Variants in PAK5 observed in about 807,000 individuals in gnomAD.
PAK5 encodes the protein p21 (RAC1) activated kinase 5.
PAK5 carries 16 observed loss-of-function variants against 65.9 expected under a neutral mutation model. The observed-to-expected ratio is 0.24, with a 90% CI of 0.16 to 0.37. The LOEUF is 0.37. Ranked by LOEUF, PAK5 falls within the 10% of genes least tolerant of loss-of-function variation. The pLI is 1.00. For missense variants in PAK5, 785 were observed against 903.9 expected, an observed-to-expected ratio of 0.87 and a Z score of 1.69; for synonymous variants, 371 against 354.9, an observed-to-expected ratio of 1.05 and a Z score of -0.51.
At chr20:9,807,663 T>C (rs1424760586) in intron 1 of PAK5, among the ~76,000 whole-genome samples, 4 of 151,916 alleles carry the variant, frequency 2.6e-5, no homozygotes, top group African/African-American at 9.7e-5. Flanking sequence ...AGCAAGACTA[T>C]GTTTTCCAGG....
At chr20:9,594,990 T>A (rs949399681) in intron 3 of PAK5, among the ~76,000 whole-genome samples, 6 of 152,046 alleles carry the variant, frequency 3.9e-5, no homozygotes, top group African/African-American at 1.4e-4. Context: ...CTGATATATA[T>A]AAACACATAT....
chr20:9,539,983 C>G (rs995170304), intron 9 of PAK5, among the ~76,000 whole-genome samples: 1 of 151,972 alleles, frequency 6.6e-6, no homozygotes, highest in African/African-American at 2.4e-5. Context: ...TTTTATTTTT[C>G]TAACAACTGC....
intron 3 of PAK5, among the ~76,000 whole-genome samples, chr20:9,587,030 A>T (rs1287131998): frequency 1.3e-5 from 2 of 152,162 alleles, no homozygotes; most frequent in Non-Finnish European, 2.9e-5. Flanking sequence ...TACCTCACAG[A>T]GTTAATGTGA....
In PAK5 at chr20:9,699,621, A is replaced by G. The variant is rs2047913963; in HGVS notation, c.-12+11665T>C. ...ATGCTCTGGGGAAGATGTGAGATCA[A>G]CATATACATAAGTAATGCTCCACAA... On this transcript the variant is annotated intron_variant, in intron 2 of 9. Transcript: ENST00000353224. 2.0e-5 allele frequency among the ~76,000 whole-genome samples: 3 copies of G among 150,798 alleles called. No individual in the cohort carries two copies. In the South Asian group the frequency reaches 6.3e-4, roughly 32 times the overall value.
chr20:9,673,142 C>T (rs76204059), intron 2 of PAK5, among the ~76,000 whole-genome samples: 9,076 of 152,190 alleles, frequency 0.06, 266 homozygotes, highest in South Asian at 0.084. Context: ...TATTATTACA[C>T]TTAAAATAAC....
rs942131023 is a variant in PAK5, at chr20:9,566,047, C to T, written c.1328G>A (p.Gly443Glu). 1.9e-6 allele frequency: 3 copies of T among 1,613,854 alleles called. No individual in the cohort carries two copies. The highest frequency in any genetic ancestry group is 2.5e-6 in the Non-Finnish European group (3 of 1,179,988). ...RAALQLVVSP[G>E]DPREYLANFI... is the part of the protein sequence containing the mutation. ...GTTGGCCAAGTATTCCCTGGGGTCT[C>T]CTGGGCTGACCACCAGCTGCAGGGC... Residue 443 changes from glycine to glutamate, a missense_variant, in exon 5 of 10, where the codon GGA (glycine) becomes GAA (glutamate). Coordinates refer to ENST00000353224, the MANE Select transcript of PAK5 (RefSeq NM_177990.4).
chr20:9,794,780 G>A (rs1292743889), intron 1 of PAK5, among the ~76,000 whole-genome samples: 1 of 151,892 alleles, frequency 6.6e-6, no homozygotes, highest in Non-Finnish European at 1.5e-5. Context: ...TTTTTTTAAG[G>A]CAACAGTTCT....
intron 3 of PAK5, among the ~76,000 whole-genome samples, chr20:9,596,241 A>G (rs1424292693): frequency 6.6e-6 from 1 of 152,176 alleles, no homozygotes; most frequent in African/African-American, 2.4e-5. Flanking sequence ...AGGTCAATCA[A>G]CTAGGGTCTT....
intron 1 of PAK5, among the ~76,000 whole-genome samples, chr20:9,765,332 T>A (rs1210233449): frequency 1.3e-5 from 2 of 152,166 alleles, no homozygotes; most frequent in Non-Finnish European, 2.9e-5. Context: ...ATAATAATCA[T>A]CTTTGGGTTA....
intron 3 of PAK5, among the ~76,000 whole-genome samples, chr20:9,599,047 G>A (rs150710962): frequency 2.4e-4 from 36 of 152,108 alleles, no homozygotes; most frequent in Middle Eastern, 3.4e-3. Flanking sequence ...CCAGCCCCTG[G>A]TAACCTCGAA....
intron 1 of PAK5, among the ~76,000 whole-genome samples, chr20:9,818,462 C>A (rs1404630324): frequency 6.6e-6 from 1 of 152,136 alleles, no homozygotes. Context: ...ATTTTTTACT[C>A]TGCTTTAACG....
intron 3 of PAK5, among the ~76,000 whole-genome samples, chr20:9,627,986 A>G (rs565665545): frequency 3.3e-5 from 5 of 152,364 alleles, no homozygotes; most frequent in Middle Eastern, 6.8e-3. Flanking sequence ...AGAGAGTTAC[A>G]TATAAATTAT....
At chr20:9,721,396 T>C (rs1348033593) in intron 1 of PAK5, among the ~76,000 whole-genome samples, 1 of 151,988 alleles carries the variant, frequency 6.6e-6, no homozygotes, top group Non-Finnish European at 1.5e-5. Context: ...GCCTGTAATT[T>C]CAGCACTTTG....
chr20:9,601,482 C>T lies in PAK5; in HGVS notation c.205-20552G>A, dbSNP rs1054959243. Among the ~76,000 whole-genome samples, 6 of 152,278 alleles carry T rather than the reference C, an allele frequency of 3.9e-5. No homozygotes were observed. The East Asian group carries it at 5.8e-4, about 15-fold the overall frequency. On this transcript the variant is annotated intron_variant, in intron 3 of 9. Transcript: ENST00000353224. ...CCCTAGGAGACTTATATTATTATTACACCTCATCTTACAAATCAGAAAGAA... is the reference window on the plus strand; with the variant it reads ...CCCTAGGAGACTTATATTATTATTATACCTCATCTTACAAATCAGAAAGAA...
chr20:9,797,294 C>T (rs6141039), intron 1 of PAK5, among the ~76,000 whole-genome samples: 90,883 of 151,668 alleles, frequency 0.6, 27,437 homozygotes, highest in African/African-American at 0.67. Context: ...ATATTAGCCC[C>T]TTGTCAGATG....
intron 1 of PAK5, among the ~76,000 whole-genome samples, chr20:9,719,926 G>A (rs902273708): frequency 6.6e-6 from 1 of 152,170 alleles, no homozygotes; most frequent in African/African-American, 2.4e-5. Flanking sequence ...AAGTTATATG[G>A]AAATTAACTT....
chr20:9,710,783 T>G (rs1189822644), intron 2 of PAK5, among the ~76,000 whole-genome samples: 1 of 152,204 alleles, frequency 6.6e-6, no homozygotes, highest in Non-Finnish European at 1.5e-5. Flanking sequence ...TCTAAACAGC[T>G]CTCCAGCTTC....
At chr20:9,763,166 A>T (rs2048719302) in intron 1 of PAK5, among the ~76,000 whole-genome samples, 1 of 152,138 alleles carries the variant, frequency 6.6e-6, no homozygotes, top group Non-Finnish European at 1.5e-5. Context: ...TACTTATACA[A>T]GATAAATAGG....
At position 9,746,931 on chromosome 20, in the gene PAK5, C is replaced by A. The variant is rs148840803; in HGVS notation, c.-161-35496G>T. Among the ~76,000 whole-genome samples, 551 of 152,114 alleles carry A rather than the reference C, an allele frequency of 3.6e-3. 6 individuals are homozygous for A. The East Asian group carries it at 0.067, about 18-fold the overall frequency. On this transcript the variant is annotated intron_variant, in intron 1 of 9. Coordinates refer to ENST00000353224, the MANE Select transcript of PAK5 (RefSeq NM_177990.4). ...TGAAAGGATCAACAAAACTGATAGA[C>A]CACTAGCAAGATTAACAAAGCAGAA...
Sources: gnomAD v4.1 joint callset for allele counts (sites outside exome capture counted in the v4.1 genomes callset) on GRCh38, gnomAD v4.1.1 for gene constraint, MANE v1.5 for transcripts, NCBI Gene and HGNC (gene_info 2026-07-23, HGNC 2026-07-21) for gene names.